Variants in INPP4B observed in about 807,000 individuals in gnomAD.
INPP4B encodes inositol polyphosphate 4-phosphatase type II.
Under a neutral mutation model 122.5 loss-of-function variants are expected in INPP4B, and 55 were observed. The observed-to-expected ratio is 0.45, with a 90% CI of 0.36 to 0.56. INPP4B has a LOEUF of 0.56. Among genes scored for constraint, INPP4B ranks in the 20% least tolerant of loss-of-function variants. The pLI is 0.00. For missense variants in INPP4B, 1,000 were observed against 1,097.7 expected, an observed-to-expected ratio of 0.91 and a Z score of 1.26; for synonymous variants, 403 against 388.7, an observed-to-expected ratio of 1.04 and a Z score of -0.43.
chr4:142,770,081 A>C (rs1772802678), intron 1 of INPP4B, among the ~76,000 whole-genome samples: 1 of 152,134 alleles, frequency 6.6e-6, no homozygotes, highest in African/African-American at 2.4e-5. Flanking sequence ...CTCAGCCTAC[A>C]AATTCTGGTA....
At chr4:142,277,506 T>C (rs527997561) in intron 9 of INPP4B, among the ~76,000 whole-genome samples, 6 of 151,966 alleles carry the variant, frequency 3.9e-5, no homozygotes, top group East Asian at 1.9e-4. Context: ...GATCTACCAT[T>C]TGATCCAGCA....
intron 1 of INPP4B, among the ~76,000 whole-genome samples, chr4:142,818,912 T>G (rs759265242): frequency 4.6e-5 from 7 of 152,214 alleles, no homozygotes; most frequent in Non-Finnish European, 1.0e-4. Flanking sequence ...TATGAGTTTT[T>G]GGTCCACTAG....
At chr4:142,148,230 T>C (rs1247516724) in intron 17 of INPP4B, among the ~76,000 whole-genome samples, 2 of 151,982 alleles carry the variant, frequency 1.3e-5, no homozygotes, top group Non-Finnish European at 2.9e-5. Context: ...GAAAGGAACT[T>C]GTGTGTGTGT....
intron 3 of INPP4B, among the ~76,000 whole-genome samples, chr4:142,453,717 C>G (rs1292205657): frequency 6.6e-6 from 1 of 152,114 alleles, no homozygotes; most frequent in Non-Finnish European, 1.5e-5. Context: ...TTTCCTTACT[C>G]TTCAATATAT....
At chr4:142,804,274 T>C (rs1333356817) in intron 1 of INPP4B, among the ~76,000 whole-genome samples, 1 of 152,288 alleles carries the variant, frequency 6.6e-6, no homozygotes, top group South Asian at 2.1e-4. Flanking sequence ...ATTTCACTCA[T>C]GGTAATACCG....
At chr4:142,083,094 C>A (rs1774911776) in intron 24 of INPP4B, among the ~76,000 whole-genome samples, 1 of 143,664 alleles carries the variant, frequency 7.0e-6, no homozygotes, top group African/African-American at 2.8e-5. Context: ...AGAGTGACAC[C>A]CTGTCTCAAA....
intron 7 of INPP4B, among the ~76,000 whole-genome samples, chr4:142,387,216 G>A (rs1796242848): frequency 6.6e-6 from 1 of 152,020 alleles, no homozygotes; most frequent in Non-Finnish European, 1.5e-5. Flanking sequence ...AAAAATTCGT[G>A]GGGATTTTTG....
At chr4:142,738,062 G>A (rs1767254776) in intron 1 of INPP4B, among the ~76,000 whole-genome samples, 1 of 152,082 alleles carries the variant, frequency 6.6e-6, no homozygotes, top group Non-Finnish European at 1.5e-5. Context: ...AATTCCTCAG[G>A]GATCTAGAAC....
At chr4:142,374,040 G>T (rs796212775) in intron 7 of INPP4B, among the ~76,000 whole-genome samples, 2 of 152,054 alleles carry the variant, frequency 1.3e-5, no homozygotes, top group African/African-American at 4.8e-5. Context: ...AAGAGAAAAG[G>T]AGTGTGAATG....
rs188444492 is a variant in INPP4B at position 142,323,667 on chromosome 4, A to C, written c.373-8905T>G. ...TCACCATGTTAGCCAGGATGGTCTC[A>C]ATCTCCTGACCTTGTGATCTGCCCG... On this transcript the variant is annotated intron_variant, in intron 7 of 25. Coordinates refer to ENST00000262992, the MANE Select transcript of INPP4B (RefSeq NM_001101669.3). Among the ~76,000 whole-genome samples the C allele has an allele frequency of 6.9e-3, 1,040 of 151,594 alleles. 10 individuals are homozygous for C. The highest frequency in any genetic ancestry group is 8.4e-3 in the Non-Finnish European group (570 of 67,920).
intron 2 of INPP4B, among the ~76,000 whole-genome samples, chr4:142,617,855 A>G (rs1201872088): frequency 2.0e-5 from 3 of 152,152 alleles, no homozygotes; most frequent in East Asian, 3.9e-4. Flanking sequence ...AGGCAATGCA[A>G]TAGAGATAAC....
At chr4:142,663,116 T>C (rs557609227) in intron 2 of INPP4B, among the ~76,000 whole-genome samples, 5 of 152,264 alleles carry the variant, frequency 3.3e-5, no homozygotes, top group South Asian at 2.1e-4. Flanking sequence ...AAAGCATAGA[T>C]GGAGGTGAAA....
At chr4:142,444,979 A>G (rs572635219) in intron 3 of INPP4B, among the ~76,000 whole-genome samples, 1 of 152,240 alleles carries the variant, frequency 6.6e-6, no homozygotes, top group Admixed American at 6.5e-5. Context: ...ACAAACAGAC[A>G]CAGAGAGGGG....
intron 12 of INPP4B, among the ~76,000 whole-genome samples, chr4:142,226,120 C>A (rs923593819): frequency 2.6e-5 from 4 of 152,156 alleles, no homozygotes; most frequent in Non-Finnish European, 5.9e-5. Context: ...TTAAAACATA[C>A]TGTAAAAGTT....
chr4:142,082,475 G>A (rs28695869), intron 24 of INPP4B, among the ~76,000 whole-genome samples: 2,125 of 152,238 alleles, frequency 0.014, 59 homozygotes, highest in African/African-American at 0.046. Context: ...ACCCAAGGGG[G>A]GTGCCTGGTC....
Position 142,060,128 on chromosome 4 carries a change from G to A in INPP4B, c.2642+21903C>T, listed in dbSNP as rs562562377. Among the ~76,000 whole-genome samples, 6 of 152,202 alleles carry A rather than the reference G, an allele frequency of 3.9e-5. No homozygotes were observed. The South Asian group carries it at 1.2e-3, about 32-fold the overall frequency. On this transcript the variant is annotated intron_variant, in intron 25 of 25. Coordinates refer to ENST00000262992, the MANE Select transcript of INPP4B (RefSeq NM_001101669.3). ...ATGCAGGAATCTCACCCTGCCCAGT[G>A]AAACTGCCCCATGGGATTTCTACTT... is the stretch of plus-strand genomic sequence containing the variant.
intron 7 of INPP4B, among the ~76,000 whole-genome samples, chr4:142,378,907 C>T (rs376298646): frequency 1.8e-4 from 27 of 152,248 alleles, no homozygotes; most frequent in African/African-American, 6.3e-4. Context: ...TATGCCTCAA[C>T]TTAAATTCAA....
At chr4:142,635,456 C>T (rs903472527) in intron 2 of INPP4B, among the ~76,000 whole-genome samples, 8 of 152,158 alleles carry the variant, frequency 5.3e-5, no homozygotes, top group Non-Finnish European at 1.0e-4. Flanking sequence ...TGGAATCAAC[C>T]TAAATGCCCA....
At chr4:142,550,761 G>A (rs1727801855) in intron 2 of INPP4B, among the ~76,000 whole-genome samples, 1 of 152,006 alleles carries the variant, frequency 6.6e-6, no homozygotes, top group Admixed American at 6.6e-5. Context: ...ATATTAAAAT[G>A]TGGTTCTTAT....
Sources: allele counts gnomAD v4.1 joint callset (sites outside exome capture counted in the v4.1 genomes callset), GRCh38; gene constraint gnomAD v4.1.1; transcripts MANE v1.5; gene names NCBI Gene and HGNC (gene_info 2026-07-23, HGNC 2026-07-21).